Variants in PRKN observed in about 807,000 individuals in gnomAD.
The protein encoded by PRKN is parkin RBR E3 ubiquitin protein ligase.
Under a neutral mutation model 59.5 loss-of-function variants are expected in PRKN, and 56 were observed. That is an observed-to-expected ratio of 0.94 (90% CI 0.76 to 1.18). The LOEUF is 1.18. Ranked by LOEUF, PRKN falls within the 50% of genes most tolerant of loss-of-function variation. The pLI, the probability that PRKN is intolerant of heterozygous loss-of-function variation, is 0.00. For synonymous variants in PRKN, 250 were observed against 222.1 expected (o/e 1.13, Z -1.12); for missense variants, 657 against 596.4 (o/e 1.10, Z -1.06).
intron 1 of PRKN, among the ~76,000 whole-genome samples, chr6:162,458,741 C>T (rs1256134594): frequency 6.7e-6 from 1 of 150,154 alleles, no homozygotes; most frequent in Non-Finnish European, 1.5e-5. Context: ...ATTTATTTCA[C>T]TAATTTTAGG....
intron 1 of PRKN, among the ~76,000 whole-genome samples, chr6:162,698,247 C>T (rs2128236289): frequency 6.6e-6 from 1 of 152,242 alleles, no homozygotes; most frequent in South Asian, 2.1e-4. Flanking sequence ...GCTAACAGAA[C>T]CTTGGCATTA....
chr6:162,055,939 A>C (rs1176851088), intron 4 of PRKN, among the ~76,000 whole-genome samples: 1 of 151,730 alleles, frequency 6.6e-6, no homozygotes, highest in Admixed American at 6.6e-5. Flanking sequence ...ATGTGTGCAC[A>C]CACACATGCA....
chr6:161,770,884 C>T (rs1190712522), intron 7 of PRKN, among the ~76,000 whole-genome samples: 2 of 151,842 alleles, frequency 1.3e-5, no homozygotes, highest in Admixed American at 6.6e-5. Flanking sequence ...GAAAATAGAC[C>T]ACAGGAGGAC....
intron 6 of PRKN, among the ~76,000 whole-genome samples, chr6:161,834,428 C>T (rs961848090): frequency 9.9e-5 from 15 of 152,148 alleles, no homozygotes; most frequent in Non-Finnish European, 1.6e-4. Context: ...CTGGTCTCCA[C>T]AGTTTCAAAA....
intron 2 of PRKN, among the ~76,000 whole-genome samples, chr6:162,326,511 T>A (rs1424855804): frequency 6.6e-6 from 1 of 152,180 alleles, no homozygotes; most frequent in Admixed American, 6.5e-5. Flanking sequence ...TTTTGAGAAT[T>A]GCTTTTGCCT....
intron 9 of PRKN, among the ~76,000 whole-genome samples, chr6:161,501,774 G>A (rs976558978): frequency 6.6e-6 from 1 of 152,094 alleles, no homozygotes; most frequent in African/African-American, 2.4e-5. Flanking sequence ...AGGCTCAGTG[G>A]CTTCTTGAGC....
At chr6:161,698,078 CTAATA>C (rs916524848) in intron 7 of PRKN, among the ~76,000 whole-genome samples, 2 of 152,136 alleles carry the variant, frequency 1.3e-5, no homozygotes, top group South Asian at 2.1e-4. Context: ...ACAAAAGCTT[CTAATA>C]TGAGACTAAT....
chr6:162,292,775 G>T (rs1011147307), intron 2 of PRKN, among the ~76,000 whole-genome samples: 9 of 152,056 alleles, frequency 5.9e-5, no homozygotes, highest in African/African-American at 2.2e-4. Context: ...GATGGGGAGG[G>T]GGATATAAAA....
intron 1 of PRKN, among the ~76,000 whole-genome samples, chr6:162,485,482 T>G (rs184824824): frequency 1.8e-4 from 28 of 152,296 alleles, no homozygotes; most frequent in Middle Eastern, 6.8e-3. Flanking sequence ...GAAGTAGACT[T>G]AAATGTTACA....
At chr6:161,959,014 T>C (rs886707193) in intron 6 of PRKN, among the ~76,000 whole-genome samples, 2 of 152,242 alleles carry the variant, frequency 1.3e-5, no homozygotes, top group Admixed American at 6.5e-5. Flanking sequence ...ATCAGTTCCC[T>C]TTGCATTACA....
At chr6:161,717,597 G>A (rs936401547) in intron 7 of PRKN, among the ~76,000 whole-genome samples, 20 of 152,180 alleles carry the variant, frequency 1.3e-4, no homozygotes, top group African/African-American at 4.6e-4. Flanking sequence ...ATGTCTTCCG[G>A]TGTTCCTAAT....
intron 1 of PRKN, chr6:162,568,382 TC>T: frequency 2.3e-6 from 1 of 443,090 alleles, no homozygotes; most frequent in Admixed American, 3.3e-5. Context: ...CTCCACCATG[TC>T]CATCAGGGTG....
chr6:161,769,230 G>A (rs564170852), intron 7 of PRKN, among the ~76,000 whole-genome samples: 19 of 152,246 alleles, frequency 1.2e-4, no homozygotes, highest in East Asian at 7.7e-4. Flanking sequence ...TGAGTCACGC[G>A]TTTCTAGAAT....
At chr6:162,352,442 G>A (rs944833213) in intron 2 of PRKN, among the ~76,000 whole-genome samples, 5 of 152,128 alleles carry the variant, frequency 3.3e-5, no homozygotes, top group Admixed American at 6.6e-5. Flanking sequence ...TGAGTTCAGC[G>A]TCTCTTAATC....
At chr6:162,411,337 T>C (rs1788346175) in intron 2 of PRKN, among the ~76,000 whole-genome samples, 1 of 152,162 alleles carries the variant, frequency 6.6e-6, no homozygotes, top group Non-Finnish European at 1.5e-5. Context: ...TATACCGGAA[T>C]GACCATGAAT....
chr6:161,648,833 C>T (rs777835411), intron 7 of PRKN, among the ~76,000 whole-genome samples: 1 of 152,164 alleles, frequency 6.6e-6, no homozygotes, highest in African/African-American at 2.4e-5. Flanking sequence ...AAAACACAGC[C>T]ATAGAGTCAA....
At position 162,436,000 on chromosome 6, in the gene PRKN, A is replaced by G. The variant is rs1789750064; in HGVS notation, c.171+7310T>C. On this transcript the variant is annotated intron_variant, in intron 2 of 11. Transcript: ENST00000366898. ...CTTTCTGTTTTATAGTCAATAGAAA[A>G]AGCAATCTCTACTAAAAATACAAAA... Among the ~76,000 whole-genome samples the G allele has an allele frequency of 2.0e-5, 3 of 151,880 alleles. No homozygotes were observed. The South Asian group carries it at 6.2e-4, about 32-fold the overall frequency.
intron 4 of PRKN, among the ~76,000 whole-genome samples, chr6:162,146,477 A>ATG (rs1782032682): frequency 6.6e-6 from 1 of 150,790 alleles, no homozygotes; most frequent in African/African-American, 2.4e-5. Flanking sequence ...ACATATATAT[A>ATG]TACGTATGTA....
rs201390255 is a variant in PRKN, at chr6:162,179,348, G to GAC, written c.534+21781_534+21782dup. The stretch of plus-strand genomic sequence containing the variant: ...GAACCATGCTGTGTCCACCTGAGGG[G>GAC]ACGGTCCAGCATCTCTGTGCCATGG... On this transcript the variant is annotated intron_variant, in intron 4 of 11. Coordinates refer to ENST00000366898, the MANE Select transcript of PRKN (RefSeq NM_004562.3). Among the ~76,000 whole-genome samples, 609 of 152,300 alleles carry GAC rather than the reference G, an allele frequency of 4.0e-3. 10 individuals carry two copies. Among genetic ancestry groups the GAC allele is most frequent in the African/African-American group, 0.014 (579 of 41,576 alleles).
Sources: allele counts gnomAD v4.1 joint callset (sites outside exome capture counted in the v4.1 genomes callset), GRCh38; gene constraint gnomAD v4.1.1; transcripts MANE v1.5; gene names NCBI Gene and HGNC (gene_info 2026-07-23, HGNC 2026-07-21).